Variants in C16orf46 observed in about 807,000 individuals in gnomAD.
C16orf46 encodes uncharacterized protein C16orf46.
In C16orf46, 7 loss-of-function variants were observed where a neutral mutation model predicts 5.5. The ratio of observed to expected loss-of-function variants is 1.28; its 90% CI spans 0.73 to 2.40. The LOEUF is 2.40. C16orf46 is among the 30% of genes most tolerant of loss of function. C16orf46 has a pLI of 0.00. For missense variants in C16orf46, 614 were observed against 476.0 expected (o/e 1.29, Z -2.70); for synonymous variants, 200 against 184.1 (o/e 1.09, Z -0.70).
At chr16:81,070,245 A>G (rs1038505844) in intron 1 of C16orf46, among the ~76,000 whole-genome samples, 1 of 152,352 alleles carries the variant, frequency 6.6e-6, no homozygotes, top group South Asian at 2.1e-4. Flanking sequence ...ATGAATACTG[A>G]GATGATATAA....
chr16:81,068,565 A>ATTTTTTTTTTTTT (rs33943128), intron 1 of C16orf46, among the ~76,000 whole-genome samples: 1 of 131,366 alleles, frequency 7.6e-6, no homozygotes, highest in Admixed American at 8.2e-5. Context: ...ATTTCTTTGT[A>ATTTTTTTTTTTTT]TTTTTTTTTT....
At chr16:81,054,974 G>A (rs1238690971) in intron 3 of C16orf46, among the ~76,000 whole-genome samples, 2 of 152,126 alleles carry the variant, frequency 1.3e-5, no homozygotes, top group Non-Finnish European at 2.9e-5. Flanking sequence ...TTAAATCACT[G>A]AAGTCACTAT....
intron 1 of C16orf46, among the ~76,000 whole-genome samples, chr16:81,075,944 A>C (rs1054257530): frequency 6.6e-6 from 1 of 152,154 alleles, no homozygotes; most frequent in Non-Finnish European, 1.5e-5. Context: ...CCTTGCCTCA[A>C]CTTCTCATTG....
chr16:81,070,655 T>A (rs548635697), intron 1 of C16orf46, among the ~76,000 whole-genome samples: 4 of 152,280 alleles, frequency 2.6e-5, no homozygotes, highest in African/African-American at 9.6e-5. Flanking sequence ...ACTGGGCAGC[T>A]TTTATTTGGG....
At chr16:81,060,000 G>C (rs542707116), downstream of C16orf46, among the ~76,000 whole-genome samples, 1 of 152,050 alleles carries the variant, frequency 6.6e-6, no homozygotes, top group African/African-American at 2.4e-5. Context: ...GTGTTAGCCA[G>C]GATGGTCTCG....
At position 81,061,360 on chromosome 16, in the gene C16orf46, C is replaced by A; in HGVS notation, c.989G>T (p.Arg330Leu). Residue 330 changes from arginine (R) to leucine (L), a missense_variant, in exon 4 of 4, where the codon CGG becomes CTG. By Grantham distance (102) the Arg-to-Leu change is moderately radical (BLOSUM62 -2). Transcript: ENST00000299578. The stretch of plus-strand genomic sequence containing the variant: ...TTTGGATTTGTAGCTTTGCACTCCC[C>A]GTTTCTGCAGAAGCTGCAAGGCAGC... The part of the protein sequence containing the change: ...YLAALQLLQK[R>L]GVQSYKSKFK... 36 of 1,614,150 alleles carry A rather than the reference C, an allele frequency of 2.2e-5. No individual in the cohort carries two copies. The highest frequency in any genetic ancestry group is 3.1e-5 in the Non-Finnish European group (36 of 1,180,026).
At chr16:81,073,139 T>C (rs1301997748) in intron 1 of C16orf46, among the ~76,000 whole-genome samples, 1 of 152,176 alleles carries the variant, frequency 6.6e-6, no homozygotes, top group Non-Finnish European at 1.5e-5. Context: ...TGTTTCACAA[T>C]AGGAAAATAT....
chr16:81,074,450 T>C (rs1395818862), intron 1 of C16orf46, among the ~76,000 whole-genome samples: 2 of 152,154 alleles, frequency 1.3e-5, no homozygotes, highest in African/African-American at 2.4e-5. Context: ...AGTGGTATGA[T>C]CTCAGCTCCC....
At chr16:81,065,785 A>G (rs752241951) in intron 2 of C16orf46, among the ~76,000 whole-genome samples, 1 of 151,408 alleles carries the variant, frequency 6.6e-6, no homozygotes, top group Non-Finnish European at 1.5e-5. Flanking sequence ...TGAATTACCA[A>G]TTTGGCTTTT....
chr16:81,064,169 A>C (rs1971577393), intron 2 of C16orf46, among the ~76,000 whole-genome samples, 176 bp from the exon 3 acceptor site: 1 of 152,112 alleles, frequency 6.6e-6, no homozygotes, highest in Admixed American at 6.5e-5. Flanking sequence ...GGATCACTTG[A>C]GGTCAGGAGT....
intron 1 of C16orf46, among the ~76,000 whole-genome samples, chr16:81,073,456 A>G (rs368412221): frequency 3.1e-4 from 47 of 152,244 alleles, no homozygotes; most frequent in African/African-American, 8.2e-4. Context: ...CGTGGTAGGC[A>G]GAATTCTACA....
intron 3 of C16orf46, chr16:81,055,226 C>A (rs1971260961): frequency 6.6e-6 from 1 of 152,044 alleles, no homozygotes; most frequent in Admixed American, 6.6e-5. Flanking sequence ...CAGATTGGAA[C>A]AAATGAAATC....
intron 1 of C16orf46, among the ~76,000 whole-genome samples, chr16:81,068,030 T>C (rs1400343262): frequency 2.6e-5 from 4 of 152,230 alleles, no homozygotes; most frequent in Non-Finnish European, 4.4e-5. Flanking sequence ...TCTCATTGAA[T>C]TTATTGAATG....
rs1307025358 is a variant in C16orf46, at chr16:81,077,144, C to T, written c.-136G>A. The T allele has an allele frequency of 6.6e-6, 1 of 152,576 alleles. No homozygotes were observed. The highest frequency in any genetic ancestry group is 6.5e-5 in the Admixed American group (1 of 15,300). The allele number at this position is 152,576 out of a possible 1,614,324, so 9.5% of individuals were successfully genotyped here. A position where few individuals can be genotyped will look rare whatever the true frequency, so the allele number is the denominator to read the frequency against. On this transcript the variant is annotated 5_prime_UTR_variant, in exon 1 of 4. Transcript: ENST00000299578. Reference sequence around the variant, plus strand: ...TGGCCGCTCACACCTACCTGTGGGGCCAAGCGGATGGAAGGCCCCGAGACA... The same window carrying T: ...TGGCCGCTCACACCTACCTGTGGGGTCAAGCGGATGGAAGGCCCCGAGACA...
intron 3 of C16orf46, chr16:81,055,342 G>T (rs895498974): frequency 6.6e-6 from 1 of 152,142 alleles, no homozygotes; most frequent in African/African-American, 2.4e-5. Context: ...ACCCTGTGTG[G>T]TGCTGAAAAT....
intron 1 of C16orf46, among the ~76,000 whole-genome samples, chr16:81,076,054 T>A (rs961607863): frequency 2.4e-4 from 36 of 152,180 alleles, no homozygotes; most frequent in African/African-American, 8.4e-4. Flanking sequence ...GCAGCCTCAT[T>A]TGGAATTTGA....
chr16:81,056,682 C>G (rs1971305095), downstream of C16orf46, among the ~76,000 whole-genome samples: 1 of 106,962 alleles, frequency 9.3e-6, no homozygotes, highest in South Asian at 3.2e-4. Context: ...GGTAACAGAA[C>G]AAGACTCCGT....
intron 3 of C16orf46, chr16:81,055,215 G>A (rs1199948692): frequency 2.0e-5 from 3 of 152,154 alleles, no homozygotes; most frequent in African/African-American, 7.2e-5. Context: ...CAGAGGACAT[G>A]CAGATTGGAA....
intron 1 of C16orf46, 108 bp from the exon 2 acceptor site, chr16:81,066,389 G>C (rs1490952623): frequency 2.0e-5 from 3 of 151,920 alleles, no homozygotes; most frequent in African/African-American, 7.3e-5. Flanking sequence ...GCCCAGGCTG[G>C]AGTGCAGTGG....
Sources: allele counts gnomAD v4.1 joint callset (sites outside exome capture counted in the v4.1 genomes callset), GRCh38; gene constraint gnomAD v4.1.1; transcripts MANE v1.5; gene names NCBI Gene and HGNC (gene_info 2026-07-23, HGNC 2026-07-21).